IGF1R: variants seen among roughly 807,000 people sequenced by gnomAD.
IGF1R encodes the protein insulin like growth factor 1 receptor, also known as insulin-like growth factor 1 receptor.
Under a neutral mutation model 144.6 loss-of-function variants are expected in IGF1R, and 44 were observed. The observed-to-expected ratio is 0.30, with a 90% CI of 0.24 to 0.39. The LOEUF is 0.39. Ranked by LOEUF, IGF1R falls within the 10% of genes least tolerant of loss-of-function variation. The pLI is 1.00. For synonymous variants in IGF1R, 795 were observed against 722.8 expected (o/e 1.10, Z -1.60); for missense variants, 1,355 against 1,833.7 (o/e 0.74, Z 4.77).
rs2017315450 is a variant in IGF1R, at chr15:98,963,683, G to A, written c.*6241G>A. ...AACGATGACAGCTATGGGGCACACA[G>A]GCCATTTGCTTACATGCCTCGTATC... On this transcript the variant is annotated 3_prime_UTR_variant, in exon 21 of 21. Transcript: ENST00000650285. The A allele has an allele frequency of 8.6e-6, 2 of 233,158 alleles. No homozygotes were observed. The highest frequency in any genetic ancestry group is 1.1e-4 in the Admixed American group (2 of 17,784). 14.4% of individuals were successfully genotyped at this position (233,158 alleles called of 1,614,324 possible).
intron 3 of IGF1R, among the ~76,000 whole-genome samples, chr15:98,896,180 A>G (rs748419996): frequency 6.6e-6 from 1 of 152,206 alleles, no homozygotes; most frequent in Non-Finnish European, 1.5e-5. Flanking sequence ...CCGTCAAGAA[A>G]TAATTTCGGT....
At chr15:98,652,798 CT>C (rs965589309) in intron 1 of IGF1R, among the ~76,000 whole-genome samples, 23 of 152,024 alleles carry the variant, frequency 1.5e-4, no homozygotes, top group Non-Finnish European at 1.5e-5. Context: ...CACAGGGTTT[CT>C]TTTTGGGGTG....
Position 98,958,953 on chromosome 15 carries a change from C to T in IGF1R, c.*1511C>T, listed in dbSNP as rs1364059946. 1 of 233,338 alleles carries T rather than the reference C, an allele frequency of 4.3e-6. No homozygotes were observed. Among genetic ancestry groups the T allele is most frequent in the African/African-American group, 2.2e-5 (1 of 45,342 alleles). The allele number at this position is 233,338 out of a possible 1,614,324, so 14.5% of individuals were successfully genotyped here. On this transcript the variant is annotated 3_prime_UTR_variant, in exon 21 of 21. Transcript: ENST00000650285. Reference sequence around the variant, plus strand: ...ACCTGCCCCTTTAGTTGTTTTCTAACCCGTAGGCTCTCTGGGCACGAGGCA... The same window carrying T: ...ACCTGCCCCTTTAGTTGTTTTCTAATCCGTAGGCTCTCTGGGCACGAGGCA...
chr15:98,789,285 G>A (rs1265985190), intron 2 of IGF1R, among the ~76,000 whole-genome samples: 1 of 152,204 alleles, frequency 6.6e-6, no homozygotes, highest in African/African-American at 2.4e-5. Flanking sequence ...TTCTACAATT[G>A]TGCTGATGAC....
chr15:98,692,615 A>G (rs1232992253), intron 1 of IGF1R, among the ~76,000 whole-genome samples: 1 of 152,220 alleles, frequency 6.6e-6, no homozygotes, highest in East Asian at 1.9e-4. Flanking sequence ...CTTTCCAGTA[A>G]CATTTGGAAA....
intron 15 of IGF1R, among the ~76,000 whole-genome samples, chr15:98,932,544 G>A (rs1276791626): frequency 1.3e-5 from 2 of 152,196 alleles, no homozygotes; most frequent in Non-Finnish European, 2.9e-5. Context: ...CCCAGGGAAT[G>A]AATGTGATTG....
chr15:98,944,373 C>G (rs1265538969), intron 19 of IGF1R, among the ~76,000 whole-genome samples: 2 of 152,146 alleles, frequency 1.3e-5, no homozygotes, highest in African/African-American at 4.8e-5. Context: ...TACTGTGAAC[C>G]AATACAAAAA....
chr15:98,932,233 C>T (rs898981310), intron 15 of IGF1R, among the ~76,000 whole-genome samples: 2 of 152,210 alleles, frequency 1.3e-5, no homozygotes, highest in African/African-American at 4.8e-5. Flanking sequence ...CAGGTGGGAA[C>T]AGTGTCACCT....
intron 2 of IGF1R, among the ~76,000 whole-genome samples, chr15:98,711,368 C>T (rs115427813): frequency 4.9e-4 from 75 of 152,256 alleles, no homozygotes; most frequent in Middle Eastern, 3.4e-3. Context: ...TCGATTTTGT[C>T]GTGCTGTTGC....
intron 2 of IGF1R, 32 bp downstream of exon 2, chr15:98,708,139 TGCC>T: frequency 6.4e-7 from 1 of 1,574,724 alleles, no homozygotes; most frequent in South Asian, 1.1e-5. Context: ...GCTTTCTCTC[TGCC>T]TCTCTCTCTC....
intron 8 of IGF1R, among the ~76,000 whole-genome samples, chr15:98,913,544 A>G (rs917407866): frequency 2.0e-5 from 3 of 152,118 alleles, no homozygotes; most frequent in South Asian, 2.1e-4. Flanking sequence ...GGCTGGTTTC[A>G]TTGGAAGGCC....
chr15:98,688,713 T>G (rs1041604394), intron 1 of IGF1R, among the ~76,000 whole-genome samples: 1 of 152,026 alleles, frequency 6.6e-6, no homozygotes, highest in Admixed American at 6.6e-5. Context: ...CAAGACTAGT[T>G]GATGAGGGTC....
At chr15:98,674,412 C>G (rs1252897977) in intron 1 of IGF1R, among the ~76,000 whole-genome samples, 1 of 152,170 alleles carries the variant, frequency 6.6e-6, no homozygotes, top group African/African-American at 2.4e-5. Context: ...TCACCCTAGG[C>G]TTCCTCGTCC....
At chr15:98,874,520 A>G (rs2012951845) in intron 2 of IGF1R, among the ~76,000 whole-genome samples, 1 of 152,162 alleles carries the variant, frequency 6.6e-6, no homozygotes, top group African/African-American at 2.4e-5. Flanking sequence ...TCGGTGAAGT[A>G]GGGGAGCTGG....
chr15:98,894,910 A>G (rs188786133), intron 3 of IGF1R, among the ~76,000 whole-genome samples: 5 of 151,844 alleles, frequency 3.3e-5, no homozygotes, highest in Admixed American at 2.6e-4. Context: ...ATTTCCAGCT[A>G]CTCAGGAGGC....
chr15:98,920,101 A>G (rs2015420632), intron 10 of IGF1R, among the ~76,000 whole-genome samples: 1 of 152,194 alleles, frequency 6.6e-6, no homozygotes, highest in Non-Finnish European at 1.5e-5. Flanking sequence ...TTAACTAGCT[A>G]AAATGTTGAC....
In IGF1R at chr15:98,649,762, G is replaced by A. The variant is rs946376578; in HGVS notation, c.94+87G>A. ...TGTTTGCGAAACCCGAGTTGCCACC[G>A]TCGCAGCTGTCGGGCCCCCGGGCTC... On this transcript the variant is annotated intron_variant, in intron 1 of 20. Coordinates refer to ENST00000650285, the MANE Select transcript of IGF1R (RefSeq NM_000875.5). 7.1e-6 allele frequency: 7 copies of A among 990,998 alleles called. No individual in the cohort carries two copies. The Admixed American group carries it at 9.7e-5, about 14-fold the overall frequency. The allele number at this position is 990,998 out of a possible 1,614,324, so 61.4% of individuals were successfully genotyped here.
At chr15:98,786,506 G>T (rs1181128604) in intron 2 of IGF1R, among the ~76,000 whole-genome samples, 1 of 152,176 alleles carries the variant, frequency 6.6e-6, no homozygotes, top group Non-Finnish European at 1.5e-5. Context: ...TTCCAGCTCA[G>T]TGCTTGCTTT....
At chr15:98,778,116 T>C (rs2055765452) in intron 2 of IGF1R, among the ~76,000 whole-genome samples, 1 of 152,210 alleles carries the variant, frequency 6.6e-6, no homozygotes, top group Non-Finnish European at 1.5e-5. Flanking sequence ...TAGGTAATTA[T>C]GTCCTGAGAA....
Sources: allele counts gnomAD v4.1 joint callset (sites outside exome capture counted in the v4.1 genomes callset), GRCh38; gene constraint gnomAD v4.1.1; transcripts MANE v1.5; gene names NCBI Gene and HGNC (gene_info 2026-07-23, HGNC 2026-07-21).